Variants in SORCS3 observed in about 807,000 individuals in gnomAD.
The protein encoded by SORCS3 is sortilin related VPS10 domain containing receptor 3, also known as VPS10 domain-containing receptor SorCS3.
A neutral mutation model predicts 146.3 loss-of-function variants in SORCS3; 57 were observed. The ratio of observed to expected loss-of-function variants is 0.39; its 90% confidence interval spans 0.31 to 0.49. SORCS3 has a LOEUF of 0.49. Among genes scored for constraint, SORCS3 ranks in the 20% least tolerant of loss-of-function variants. The pLI, the probability that SORCS3 is intolerant of heterozygous loss-of-function variation, is 0.92. For synonymous variants in SORCS3, 653 were observed against 618.5 expected (o/e 1.06, Z -0.83); for missense variants, 1,341 against 1,575.5 (o/e 0.85, Z 2.52).
intron 1 of SORCS3, among the ~76,000 whole-genome samples, chr10:104,693,665 A>G (rs2016140412): frequency 6.6e-6 from 1 of 152,132 alleles, no homozygotes. Context: ...ATGTCTGTGT[A>G]CCACCACTCT....
intron 1 of SORCS3, among the ~76,000 whole-genome samples, chr10:104,785,543 A>G (rs905091855): frequency 7.3e-6 from 1 of 136,428 alleles, no homozygotes; most frequent in Non-Finnish European, 1.5e-5. Flanking sequence ...ACCCTGCCAA[A>G]TCCCCCTCTG....
chr10:104,877,540 C>A (rs542152448), intron 2 of SORCS3, among the ~76,000 whole-genome samples: 2 of 152,290 alleles, frequency 1.3e-5, no homozygotes, highest in African/African-American at 4.8e-5. Flanking sequence ...TTCCTTCAAG[C>A]CCTGTGTGTC....
intron 4 of SORCS3, among the ~76,000 whole-genome samples, chr10:105,036,623 T>A (rs2055308122): frequency 6.6e-6 from 1 of 152,174 alleles, no homozygotes; most frequent in Non-Finnish European, 1.5e-5. Flanking sequence ...TATCAAGATC[T>A]GTTGAAGACT....
chr10:104,873,578 A>C (rs1231578847), intron 2 of SORCS3, among the ~76,000 whole-genome samples: 13 of 152,216 alleles, frequency 8.5e-5, no homozygotes. Context: ...GAGCACCAGC[A>C]TTCTCTTTTG....
intron 2 of SORCS3, among the ~76,000 whole-genome samples, chr10:104,903,491 A>G (rs1266329122): frequency 6.6e-6 from 1 of 152,194 alleles, no homozygotes; most frequent in East Asian, 1.9e-4. Flanking sequence ...AGAGGGCTTT[A>G]CACAGGAGCC....
intron 14 of SORCS3, among the ~76,000 whole-genome samples, chr10:105,197,790 CTT>C (rs2056551997): frequency 6.6e-6 from 1 of 152,142 alleles, no homozygotes; most frequent in African/African-American, 2.4e-5. Flanking sequence ...AAGCCTGTCT[CTT>C]TAGTCTGTCA....
At chr10:104,731,845 A>G (rs76156187) in intron 1 of SORCS3, among the ~76,000 whole-genome samples, 1,738 of 152,286 alleles carry the variant, frequency 0.011, 27 homozygotes, top group African/African-American at 0.039. Flanking sequence ...AATTGGCACC[A>G]TTTAGCCCTT....
chr10:105,109,022 T>C (rs1485487054), intron 7 of SORCS3, among the ~76,000 whole-genome samples: 3 of 152,232 alleles, frequency 2.0e-5, no homozygotes, highest in Non-Finnish European at 2.9e-5. Context: ...TTTGCTTTCC[T>C]GTGTGTCTGA....
At chr10:105,253,226 C>T (rs1162153203) in intron 23 of SORCS3, among the ~76,000 whole-genome samples, 1 of 151,792 alleles carries the variant, frequency 6.6e-6, no homozygotes, top group Admixed American at 6.6e-5. Flanking sequence ...GAGAGACAGA[C>T]AGAGAGAGAA....
intron 1 of SORCS3, among the ~76,000 whole-genome samples, chr10:104,656,008 T>C (rs906709253): frequency 6.6e-6 from 1 of 152,164 alleles, no homozygotes; most frequent in Admixed American, 6.5e-5. Flanking sequence ...ATTCAATACA[T>C]ATTTGTGGAG....
intron 13 of SORCS3, 124 bp downstream of exon 13, chr10:105,167,473 A>T: frequency 1.5e-6 from 1 of 678,696 alleles, no homozygotes; most frequent in South Asian, 2.0e-5. Flanking sequence ...TTATTTATCC[A>T]TCCATCCATT....
chr10:104,870,102 G>A (rs1200324246), intron 2 of SORCS3, among the ~76,000 whole-genome samples: 3 of 152,172 alleles, frequency 2.0e-5, no homozygotes, highest in South Asian at 2.1e-4. Flanking sequence ...CTGTTCTCAC[G>A]GAATTGATGC....
Position 104,693,729 on chromosome 10 carries a change from A to G in SORCS3, c.627+51775A>G, listed in dbSNP as rs566252321. On this transcript the variant is annotated intron_variant, in intron 1 of 26. Transcript: ENST00000369701. ...TCAGGAATAACAGGTCCAGGGATCT[A>G]TAGCTGGTAATTGATGGATCCAAGA... Among the ~76,000 whole-genome samples, 5 of 152,280 alleles carry G rather than the reference A, an allele frequency of 3.3e-5. No homozygotes were observed. In the South Asian group the frequency reaches 6.2e-4, roughly 19 times the overall value.
At chr10:105,070,391 A>G (rs1221162866) in intron 5 of SORCS3, among the ~76,000 whole-genome samples, 5 of 152,238 alleles carry the variant, frequency 3.3e-5, no homozygotes, top group Non-Finnish European at 7.3e-5. Context: ...CGGTGTCTCC[A>G]GTGAGTGTCT....
chr10:105,004,000 C>CTTTTTTTTTTTTTTTTTTTTTTTTTTT (rs1226455197), intron 4 of SORCS3, among the ~76,000 whole-genome samples: 1 of 140,228 alleles, frequency 7.1e-6, no homozygotes, highest in Non-Finnish European at 1.5e-5. Context: ...TCTTCTCTCT[C>CTTTTTTTTTTTTTTTTTTTTTTTTTTT]TTTTTTTTTT....
chr10:104,946,951 C>A (rs1279634904), intron 3 of SORCS3, among the ~76,000 whole-genome samples: 1 of 152,068 alleles, frequency 6.6e-6, no homozygotes, highest in Non-Finnish European at 1.5e-5. Context: ...GGAATGGGGA[C>A]AGCAGGATGG....
intron 5 of SORCS3, among the ~76,000 whole-genome samples, chr10:105,083,350 T>C (rs1270099663): frequency 4.6e-5 from 7 of 152,156 alleles, no homozygotes; most frequent in Admixed American, 4.6e-4. Context: ...TTATGTGTCC[T>C]GAGGCTAGTT....
At chr10:104,779,094 C>T (rs1473756218) in intron 1 of SORCS3, among the ~76,000 whole-genome samples, 1 of 152,152 alleles carries the variant, frequency 6.6e-6, no homozygotes, top group African/African-American at 2.4e-5. Flanking sequence ...AGGAAGGAAT[C>T]ATGAGTCAAG....
intron 1 of SORCS3, among the ~76,000 whole-genome samples, chr10:104,720,441 GT>G (rs931109000): frequency 3.3e-5 from 5 of 152,302 alleles, no homozygotes; most frequent in African/African-American, 1.2e-4. Flanking sequence ...AAACATAAGT[GT>G]GCATGTGTCT....
Sources: gnomAD v4.1 joint callset for allele counts (sites outside exome capture counted in the v4.1 genomes callset) on GRCh38, gnomAD v4.1.1 for gene constraint, MANE v1.5 for transcripts, NCBI Gene and HGNC (gene_info 2026-07-23, HGNC 2026-07-21) for gene names.